YIPF4: variants seen among roughly 807,000 people sequenced by gnomAD.
YIPF4 encodes the protein protein YIPF4.
A neutral mutation model predicts 29.4 loss-of-function variants in YIPF4; 18 were observed. That is an observed-to-expected ratio of 0.61 (90% CI 0.42 to 0.91). The LOEUF (loss-of-function observed/expected upper bound fraction) is 0.91. Ranked by LOEUF, YIPF4 falls within the 40% of genes least tolerant of loss-of-function variation. The pLI, the probability that YIPF4 is intolerant of heterozygous loss-of-function variation, is 0.00. For synonymous variants in YIPF4, 115 were observed against 104.7 expected, an observed-to-expected ratio of 1.10 and a Z score of -0.60; for missense variants, 279 against 282.7, an observed-to-expected ratio of 0.99 and a Z score of 0.09.
chr2:32,305,380 G>A (rs995499851), intron 5 of YIPF4, 109 bp from the exon 6 acceptor site: 2 of 1,262,394 alleles, frequency 1.6e-6, no homozygotes, highest in Admixed American at 3.3e-5. Flanking sequence ...ACCAAAATTG[G>A]TTGTTGATTT....
intron 3 of YIPF4, among the ~76,000 whole-genome samples, chr2:32,293,298 G>A (rs955071217): frequency 7.9e-5 from 12 of 152,058 alleles, no homozygotes; most frequent in Non-Finnish European, 1.8e-4. Context: ...GACTCTTAAC[G>A]AGCATGCTGC....
intron 3 of YIPF4, among the ~76,000 whole-genome samples, chr2:32,296,082 G>T (rs533337472): frequency 6.6e-6 from 1 of 152,148 alleles, no homozygotes; most frequent in Non-Finnish European, 1.5e-5. Context: ...CACTGAAGAA[G>T]GTGAATGGGG....
At chr2:32,291,812 A>G (rs1434096787) in intron 2 of YIPF4, among the ~76,000 whole-genome samples, 1 of 152,196 alleles carries the variant, frequency 6.6e-6, no homozygotes, top group African/African-American at 2.4e-5. Context: ...TGGTTCTCAT[A>G]TGGGTTTGCA....
At chr2:32,286,265 T>A (rs932654852) in intron 1 of YIPF4, among the ~76,000 whole-genome samples, 1 of 152,230 alleles carries the variant, frequency 6.6e-6, no homozygotes, top group African/African-American at 2.4e-5. Flanking sequence ...TTGATAGTTA[T>A]GTGAGTTTGT....
At chr2:32,285,112 GCTA>G in intron 1 of YIPF4, among the ~76,000 whole-genome samples, 1 of 152,274 alleles carries the variant, frequency 6.6e-6, no homozygotes, top group East Asian at 1.9e-4. Context: ...GCATGAGCTT[GCTA>G]CTGGTGGTAG....
chr2:32,293,567 G>A lies in YIPF4; in HGVS notation c.405+1219G>A, dbSNP rs1217060256. Among the ~76,000 whole-genome samples, 4 of 152,026 alleles carry A rather than the reference G, an allele frequency of 2.6e-5. No homozygotes were observed. In the East Asian group the frequency reaches 5.8e-4, roughly 22 times the overall value. ...TCCCCCCTTTCTGTTCCACAAAACC[G>A]CCATTGTCATCGTGGCCCGTTCTCA... On this transcript the variant is annotated intron_variant, in intron 3 of 5. Coordinates refer to ENST00000238831, the MANE Select transcript of YIPF4 (RefSeq NM_032312.4).
chr2:32,292,438 T>G (rs2030958663), intron 3 of YIPF4, 90 bp downstream of exon 3: 1 of 1,005,114 alleles, frequency 9.9e-7, no homozygotes, highest in Non-Finnish European at 1.3e-6. Flanking sequence ...TATACCATAT[T>G]ATGTTTGAGA....
intron 3 of YIPF4, among the ~76,000 whole-genome samples, chr2:32,295,151 C>T (rs1382964164): frequency 6.6e-6 from 1 of 152,152 alleles, no homozygotes; most frequent in Non-Finnish European, 1.5e-5. Flanking sequence ...GAGAAGGATT[C>T]CATCAGTATT....
At chr2:32,300,198 G>T (rs768376436) in intron 4 of YIPF4, among the ~76,000 whole-genome samples, 1 of 152,118 alleles carries the variant, frequency 6.6e-6, no homozygotes, top group Admixed American at 6.6e-5. Context: ...CCCGGGAGGC[G>T]GAGGTTGTGG....
chr2:32,309,294 T>C lies in YIPF4; in HGVS notation c.*3668T>C, dbSNP rs2031666593. ...TGTGACACTTTAAAGGAAATGTTCA[T>C]TGGAGCATTTTGCATTTCAGATTTT... On this transcript the variant is annotated 3_prime_UTR_variant, in exon 6 of 6. Coordinates refer to ENST00000238831, the MANE Select transcript of YIPF4 (RefSeq NM_032312.4). 6.6e-6 allele frequency: 1 copy of C among 152,136 alleles called. No individual in the cohort carries two copies. The highest frequency in any genetic ancestry group is 2.4e-5 in the African/African-American group (1 of 41,444). The allele number at this position is 152,136 out of a possible 1,614,324, so 9.4% of individuals were successfully genotyped here.
intron 2 of YIPF4, among the ~76,000 whole-genome samples, chr2:32,291,953 G>A (rs910148868): frequency 6.6e-6 from 1 of 152,292 alleles, no homozygotes; most frequent in East Asian, 1.9e-4. Context: ...CCAGGCTGAC[G>A]ATTGTAAGAC....
intron 1 of YIPF4, among the ~76,000 whole-genome samples, chr2:32,285,843 A>T (rs1336788153): frequency 6.6e-6 from 1 of 151,928 alleles, no homozygotes; most frequent in Non-Finnish European, 1.5e-5. Context: ...TTTGGTAGAG[A>T]TGGGGTTTCA....
At chr2:32,281,699 G>A (rs2030421446) in intron 1 of YIPF4, among the ~76,000 whole-genome samples, 1 of 151,888 alleles carries the variant, frequency 6.6e-6, no homozygotes, top group Admixed American at 6.6e-5. Context: ...ACCAGCCTGG[G>A]CAACATGGCA....
intron 4 of YIPF4, among the ~76,000 whole-genome samples, chr2:32,299,037 C>T (rs1022734601): frequency 1.3e-5 from 2 of 151,936 alleles, no homozygotes; most frequent in African/African-American, 2.4e-5. Context: ...GCCACCCTGC[C>T]CAACTAATTT....
Position 32,305,476 on chromosome 2 carries a change from C to T in YIPF4, c.598-13C>T, listed in dbSNP as rs747899670. The T allele has an allele frequency of 3.3e-6, 5 of 1,515,676 alleles. No individual in the cohort carries two copies. The highest frequency in any genetic ancestry group is 4.5e-5 in the Admixed American group (2 of 44,386). 93.9% of individuals were successfully genotyped at this position (1,515,676 alleles called of 1,614,324 possible). A position where few individuals can be genotyped will look rare whatever the true frequency, so the allele number is the denominator to read the frequency against. ...TAATATGCTGCCTTTTGTCTTTTTT[C>T]CTTTTTTTAAAGCTGTTTGGTGTGT... On this transcript the variant is annotated splice_polypyrimidine_tract_variant and intron_variant, in intron 5 of 5. Transcript: ENST00000238831.
At position 32,313,848 on chromosome 2, in the gene YIPF4, AC is replaced by A. The variant is rs2031769303; in HGVS notation, c.*8225del. 2 of 152,112 alleles carry A rather than the reference AC, an allele frequency of 1.3e-5. No homozygotes were observed. The highest frequency in any genetic ancestry group is 4.1e-4 in the South Asian group (2 of 4,826). The allele number at this position is 152,112 out of a possible 1,614,324, so 9.4% of individuals were successfully genotyped here. On this transcript the variant is annotated 3_prime_UTR_variant, in exon 6 of 6. Transcript: ENST00000238831. Reference sequence around the variant, plus strand: ...CTCCCGAGTAGCTGGGATTACAGGCACCCACTGCCACACTCGGCTAATTTTT... The same window carrying A: ...CTCCCGAGTAGCTGGGATTACAGGCACCACTGCCACACTCGGCTAATTTTT...
intron 5 of YIPF4, among the ~76,000 whole-genome samples, chr2:32,303,307 C>G (rs549796372): frequency 2.0e-5 from 3 of 152,144 alleles, no homozygotes; most frequent in Non-Finnish European, 4.4e-5. Context: ...CTGTAGTGAG[C>G]CATGATTGCA....
chr2:32,301,101 T>C (rs1216424266), intron 4 of YIPF4, among the ~76,000 whole-genome samples: 1 of 152,224 alleles, frequency 6.6e-6, no homozygotes, highest in East Asian at 1.9e-4. Context: ...TGTAGAGATA[T>C]ACTGAAGGTA....
chr2:32,283,074 C>CA (rs78012507), intron 1 of YIPF4, among the ~76,000 whole-genome samples: 3,660 of 68,400 alleles, frequency 0.054, 68 homozygotes, highest in African/African-American at 0.073. Flanking sequence ...GAGACTGTCT[C>CA]AAAAAAAAAA....
Sources: gnomAD v4.1 joint callset for allele counts (sites outside exome capture counted in the v4.1 genomes callset) on GRCh38, gnomAD v4.1.1 for gene constraint, MANE v1.5 for transcripts, NCBI Gene and HGNC (gene_info 2026-07-23, HGNC 2026-07-21) for gene names.